The following GNB3 variants were observed in gnomAD, a reference collection of about 807,000 sequenced individuals.
GNB3 encodes the protein G protein subunit beta 3, also known as guanine nucleotide-binding protein G(I)/G(S)/G(T) subunit beta-3.
A neutral mutation model predicts 41.2 loss-of-function variants in GNB3; 33 were observed. The observed-to-expected ratio is 0.80, with a 90% CI of 0.61 to 1.07. GNB3 has a LOEUF of 1.07. GNB3 is among the 50% of genes least tolerant of loss of function. GNB3 has a pLI of 0.00. For missense variants in GNB3, 409 were observed against 455.3 expected, an observed-to-expected ratio of 0.90 and a Z score of 0.92; for synonymous variants, 172 against 173.4, an observed-to-expected ratio of 0.99 and a Z score of 0.06.
At chr12:6,846,664 C>T in intron 9 of GNB3, 128 bp from the exon 10 acceptor site, 1 of 630,456 alleles carries the variant, frequency 1.6e-6, no homozygotes, top group Non-Finnish European at 2.9e-6. Flanking sequence ...TACACATGCA[C>T]ACATATCCCC....
chr12:6,846,904 C>T lies in GNB3; in HGVS notation c.*6C>T, dbSNP rs1943716545. On this transcript the variant is annotated 3_prime_UTR_variant, in exon 10 of 10. Coordinates refer to ENST00000229264, the MANE Select transcript of GNB3 (RefSeq NM_002075.4). ...TCCTCAAAATCTGGAACTGAGGAGG[C>T]TGGAGAAAGGGAAGTGGAAGGCAGT... is the stretch of plus-strand genomic sequence containing the variant. The T allele has an allele frequency of 2.0e-6, 3 of 1,531,754 alleles. No individual in the cohort carries two copies. In the East Asian group the frequency reaches 6.9e-5, roughly 35 times the overall value. The allele number at this position is 1,531,754 out of a possible 1,614,324, so 94.9% of individuals were successfully genotyped here.
intron 8 of GNB3, chr12:6,845,193 G>T: frequency 5.7e-6 from 1 of 176,452 alleles, no homozygotes; most frequent in Non-Finnish European, 1.2e-5. Flanking sequence ...TCTGACATTT[G>T]CTCGCCGTGA....
Position 6,845,629 on chromosome 12 carries a change from C to T in GNB3, c.743C>T (p.Ala248Val). 1.2e-6 allele frequency: 2 copies of T among 1,613,608 alleles called. No homozygotes were observed. The highest frequency in any genetic ancestry group is 2.2e-5 in the East Asian group (1 of 44,874). Residue 248 changes from alanine (A) to valine (V), a missense_variant, in exon 9 of 10, where the codon GCT becomes GTT. Coordinates refer to ENST00000229264, the MANE Select transcript of GNB3 (RefSeq NM_002075.4). ...GEAICTGSDD[A>V]SCRLFDLRAD... ...GCCATCTGCACGGGCTCGGATGACG[C>T]TTCCTGCCGCTTGTTTGACCTGCGG... is the stretch of plus-strand genomic sequence containing the variant.
chr12:6,845,954 C>T, intron 9 of GNB3, 152 bp downstream of exon 9: 7 of 634,622 alleles, frequency 1.1e-5, no homozygotes, highest in Non-Finnish European at 1.7e-5. Context: ...TCCAGTACCC[C>T]TTGGTTCCCA....
intron 3 of GNB3, 36 bp downstream of exon 3, chr12:6,841,660 G>T: frequency 1.9e-6 from 3 of 1,566,122 alleles, no homozygotes; most frequent in East Asian, 2.3e-5. Context: ...CAGGGCATGG[G>T]GGGAGGGGAA....
rs368740450 is a variant in GNB3 at position 6,843,648 on chromosome 12, C to T, written c.447C>T (p.Cys149=). ...LSAHTGYLSC[C]RFLDDNNIVT... ...CGCCTCCAGGTTATCTCTCCTGCTGCCGCTTCCTGGATGACAACAATATTG... is the reference window on the plus strand; with the variant it reads ...CGCCTCCAGGTTATCTCTCCTGCTGTCGCTTCCTGGATGACAACAATATTG... The change falls in exon 7 of 10, where the codon TGC becomes TGT. Residue 149 remains cysteine, a synonymous_variant. Coordinates refer to ENST00000229264, the MANE Select transcript of GNB3 (RefSeq NM_002075.4). The surrounding 1 kb of genome is among the most constrained non-coding windows in gnomAD (Gnocchi z 5.9). The T allele has an allele frequency of 5.4e-5, 87 of 1,614,074 alleles. 3 individuals are homozygous for T. In the Middle Eastern group the frequency reaches 6.6e-4, roughly 12 times the overall value.
At chr12:6,842,661 G>A (rs1246005823) in intron 3 of GNB3, among the ~76,000 whole-genome samples, 2 of 152,170 alleles carry the variant, frequency 1.3e-5, no homozygotes. Flanking sequence ...TGTTTCCAAT[G>A]ACCTCACATT....
At chr12:6,846,745 C>T in intron 9 of GNB3, 47 bp from the exon 10 acceptor site, 1 of 1,134,746 alleles carries the variant, frequency 8.8e-7, no homozygotes. Context: ...ACACTGCTTT[C>T]CAAATCAGCT....
At chr12:6,846,724 C>A (rs567113058) in intron 9 of GNB3, 68 bp from the exon 10 acceptor site, 4 of 834,810 alleles carry the variant, frequency 4.8e-6, no homozygotes, top group South Asian at 1.5e-5. Flanking sequence ...CATACACTTA[C>A]ACGCATGCAC....
At position 6,843,710 on chromosome 12, in the gene GNB3, C is replaced by T. The variant is rs781898297; in HGVS notation, c.497+12C>T. ...GGGGACACCACGTGGTGAGGCTGAACATTGCTGGTGCTGGGGCTTGGGAGT... is the reference window on the plus strand; with the variant it reads ...GGGGACACCACGTGGTGAGGCTGAATATTGCTGGTGCTGGGGCTTGGGAGT... On this transcript the variant is annotated intron_variant, in intron 7 of 9. Transcript: ENST00000229264. The surrounding 1 kb of genome is among the most constrained non-coding windows in gnomAD (Gnocchi z 5.9). 1.9e-6 allele frequency: 3 copies of T among 1,613,708 alleles called. No homozygotes were observed. In the South Asian group the frequency reaches 3.3e-5, roughly 18 times the overall value.
chr12:6,845,470 C>A, intron 8 of GNB3, 116 bp from the exon 9 acceptor site: 1 of 684,658 alleles, frequency 1.5e-6, no homozygotes, highest in Admixed American at 2.2e-5. Flanking sequence ...GAGGGACAGG[C>A]AGGGAGGCTG....
At chr12:6,841,494 C>T (rs1239531190) in intron 2 of GNB3, 92 bp from the exon 3 acceptor site, 1 of 1,219,278 alleles carries the variant, frequency 8.2e-7, no homozygotes, top group East Asian at 2.4e-5. Context: ...GACCCCCAAG[C>T]CCCAGAGCCC....
Position 6,843,327 on chromosome 12 carries a change from C to T in GNB3, c.268-36C>T, listed in dbSNP as rs1346019270. Reference sequence around the variant, plus strand: ...CCTGTGCCCAGCTGGGAGCTTGGCTCCGGTCCCATCTCTGCTCAAACCACC... The same window carrying T: ...CCTGTGCCCAGCTGGGAGCTTGGCTTCGGTCCCATCTCTGCTCAAACCACC... On this transcript the variant is annotated intron_variant, in intron 5 of 9. Coordinates refer to ENST00000229264, the MANE Select transcript of GNB3 (RefSeq NM_002075.4). This position sits in a 1 kb window ranked among gnomAD's most constrained non-coding sequence, Gnocchi z 5.9. 3.1e-6 allele frequency: 5 copies of T among 1,612,742 alleles called. No individual in the cohort carries two copies. The African/African-American group carries it at 4.0e-5, about 13-fold the overall frequency.
At chr12:6,845,463 G>A (rs1555124405) in intron 8 of GNB3, 123 bp from the exon 9 acceptor site, 1 of 666,036 alleles carries the variant, frequency 1.5e-6, no homozygotes, top group African/African-American at 1.8e-5. Context: ...ACCAAGGGAG[G>A]GACAGGCAGG....
chr12:6,846,899 G>A lies in GNB3; in HGVS notation c.*1G>A, dbSNP rs570135907. 119 of 1,553,842 alleles carry A rather than the reference G, an allele frequency of 7.7e-5. No individual in the cohort carries two copies. Among genetic ancestry groups the A allele is most frequent in the Admixed American group, 4.1e-4 (22 of 53,958 alleles). ...CAGCTTCCTCAAAATCTGGAACTGA[G>A]GAGGCTGGAGAAAGGGAAGTGGAAG... On this transcript the variant is annotated 3_prime_UTR_variant, in exon 10 of 10. Transcript: ENST00000229264.
At chr12:6,841,772 G>A in intron 3 of GNB3, 148 bp downstream of exon 3, 1 of 723,464 alleles carries the variant, frequency 1.4e-6, no homozygotes, top group South Asian at 1.5e-5. Flanking sequence ...CAACATTTTA[G>A]CGGGACCTGC....
chr12:6,842,317 C>T lies in GNB3; in HGVS notation c.97-653C>T, dbSNP rs376510949. On this transcript the variant is annotated intron_variant, in intron 3 of 9. Coordinates refer to ENST00000229264, the MANE Select transcript of GNB3 (RefSeq NM_002075.4). The stretch of plus-strand genomic sequence containing the variant: ...TAATCCCAGCCCTTTGGGAGACTGA[C>T]GTGAAAGGATCACTTGAGCTCAGGA... Among the ~76,000 whole-genome samples the T allele has an allele frequency of 2.9e-4, 44 of 152,160 alleles. No individual in the cohort carries two copies. The East Asian group carries it at 7.9e-3, about 27-fold the overall frequency.
chr12:6,844,964 A>G (rs1218648158), intron 8 of GNB3: 1 of 152,372 alleles, frequency 6.6e-6, no homozygotes, highest in Admixed American at 6.5e-5. Context: ...TCTACAGTCT[A>G]TATTCAAATT....
chr12:6,846,304 T>A, intron 9 of GNB3: 1 of 168,560 alleles, frequency 5.9e-6, no homozygotes, highest in South Asian at 1.6e-4. Context: ...AAATCCTAAT[T>A]CTGTTGCTCA....
Sources: gnomAD v4.1 joint callset for allele counts (sites outside exome capture counted in the v4.1 genomes callset) on GRCh38, gnomAD v4.1.1 for gene constraint, Gnocchi (gnomAD v3.1) non-coding constraint, MANE v1.5 for transcripts, NCBI Gene and HGNC (gene_info 2026-07-23, HGNC 2026-07-21) for gene names.